The following RPS10 variants were observed in gnomAD, a reference collection of about 807,000 sequenced individuals.
The protein encoded by RPS10 is small ribosomal subunit protein eS10.
In RPS10, 2 loss-of-function variants were observed where a neutral mutation model predicts 22.6. That is an observed-to-expected ratio of 0.09 (90% confidence interval 0.04 to 0.28). The LOEUF (loss-of-function observed/expected upper bound fraction) is 0.28. Ranked by LOEUF, RPS10 falls within the 10% of genes least tolerant of loss-of-function variation. RPS10 has a pLI of 1.00. For missense variants in RPS10, 137 were observed against 222.2 expected (o/e 0.62, Z 2.44); for synonymous variants, 70 against 75.9 (o/e 0.92, Z 0.40).
chr6:34,422,253 C>T (rs2113800996), intron 3 of RPS10, among the ~76,000 whole-genome samples: 1 of 152,252 alleles, frequency 6.6e-6, no homozygotes, highest in Non-Finnish European at 1.5e-5. Flanking sequence ...TCGTTGAGTT[C>T]CTCTTGGGCT....
intron 5 of RPS10, 173 bp from the exon 6 acceptor site, chr6:34,417,720 C>CT: frequency 1.4e-6 from 1 of 731,728 alleles, no homozygotes; most frequent in Non-Finnish European, 2.5e-6. Context: ...GATGTGGGGC[C>CT]ATATCTAACA....
Position 34,425,228 on chromosome 6 carries a change from G to T in RPS10, c.1-7C>A. The T allele has an allele frequency of 6.2e-7, 1 of 1,603,790 alleles. No homozygotes were observed. Among genetic ancestry groups the T allele is most frequent in the Non-Finnish European group, 8.5e-7 (1 of 1,175,172 alleles). On this transcript the variant is annotated splice_region_variant and splice_polypyrimidine_tract_variant and intron_variant, in intron 1 of 5. Coordinates refer to ENST00000648437, the MANE Select transcript of RPS10 (RefSeq NM_001014.5). Reference sequence around the variant, plus strand: ...TCTTCTTAGGCATCAACATCTGCAAGAAGGAGACGATTGTCAAGAGCACTT... The same window carrying T: ...TCTTCTTAGGCATCAACATCTGCAATAAGGAGACGATTGTCAAGAGCACTT...
intron 4 of RPS10, among the ~76,000 whole-genome samples, chr6:34,421,381 G>C (rs1265120836): frequency 6.6e-6 from 1 of 151,608 alleles, no homozygotes; most frequent in African/African-American, 2.4e-5. Flanking sequence ...ACAGGGTTTC[G>C]TCATGTTGGC....
chr6:34,420,732 C>T (rs1266747355), intron 4 of RPS10, among the ~76,000 whole-genome samples: 1 of 151,950 alleles, frequency 6.6e-6, no homozygotes, highest in African/African-American at 2.4e-5. Flanking sequence ...TCCGGGTGGG[C>T]GCGGTGGCTC....
chr6:34,422,616 A>G (rs1765805725), intron 3 of RPS10, among the ~76,000 whole-genome samples: 1 of 150,198 alleles, frequency 6.7e-6, no homozygotes, highest in African/African-American at 2.5e-5. Context: ...CGCCCAGGCT[A>G]ATTTTTTTTG....
rs760917852 is a variant in RPS10 at position 34,418,433 on chromosome 6, T to C, written c.401-9A>G. 51 of 1,613,960 alleles carry C rather than the reference T, an allele frequency of 3.2e-5. No individual in the cohort carries two copies. The Admixed American group carries it at 8.0e-4, about 25-fold the overall frequency. The stretch of plus-strand genomic sequence containing the variant: ...TTTCTTGTCGGCACCAGCTAGAAAG[T>C]GAAACATCGATTTAGAATCATCATA... On this transcript the variant is annotated splice_polypyrimidine_tract_variant and intron_variant, in intron 4 of 5. Coordinates refer to ENST00000648437, the MANE Select transcript of RPS10 (RefSeq NM_001014.5).
At position 34,425,087 on chromosome 6, in the gene RPS10, G is replaced by A. The variant is rs148901210; in HGVS notation, c.135C>T (p.Val45=). Reference sequence around the variant, plus strand: ...ACCCTCCTACCTGCATGGCCTTCATGACATGAAGGTTGGGCACATTCTTGT... The same window carrying A: ...ACCCTCCTACCTGCATGGCCTTCATAACATGAAGGTTGGGCACATTCTTGT... ...LADKNVPNLH[V]MKAMQSLKSR... is the part of the protein sequence containing the mutation. The change falls in exon 2 of 6, where the codon GTC becomes GTT. Residue 45 remains valine, a synonymous_variant. Transcript: ENST00000648437. 3.2e-5 allele frequency: 51 copies of A among 1,612,404 alleles called. No homozygotes were observed. Among genetic ancestry groups the A allele is most frequent in the Non-Finnish European group, 3.9e-5 (46 of 1,179,980 alleles).
chr6:34,425,293 T>A, intron 1 of RPS10, 72 bp from the exon 2 acceptor site: 1 of 1,536,376 alleles, frequency 6.5e-7, no homozygotes, highest in Non-Finnish European at 8.8e-7. Flanking sequence ...AAGTTCTTGA[T>A]CCTAAAGTGA....
At chr6:34,418,253 G>A in intron 5 of RPS10, 116 bp downstream of exon 5, 1 of 1,574,660 alleles carries the variant, frequency 6.4e-7, no homozygotes, top group African/African-American at 1.4e-5. Flanking sequence ...AGTGGGAGGA[G>A]GGAACTGGTT....
intron 5 of RPS10, 166 bp downstream of exon 5, chr6:34,418,203 G>A: frequency 1.3e-6 from 2 of 1,518,608 alleles, no homozygotes; most frequent in South Asian, 2.5e-5. Flanking sequence ...ACAAAAGTTT[G>A]CATGCTACAA....
Position 34,425,389 on chromosome 6 carries a change from AC to A in RPS10, c.1-169del. ...GCAGAGGCCAGCTCCGTCAGTCCCC[AC>A]CCCCAAACACAATTCAGGTGGAAAA... On this transcript the variant is annotated intron_variant, in intron 1 of 5. Transcript: ENST00000648437. 7.8e-6 allele frequency: 6 copies of A among 774,052 alleles called. No homozygotes were observed. The South Asian group carries it at 9.2e-5, about 12-fold the overall frequency. The allele number at this position is 774,052 out of a possible 1,614,324, so 47.9% of individuals were successfully genotyped here. A position where few individuals can be genotyped will look rare whatever the true frequency, so the allele number is the denominator to read the frequency against.
intron 5 of RPS10, 69 bp downstream of exon 5, chr6:34,418,300 C>T: frequency 6.2e-7 from 1 of 1,612,470 alleles, no homozygotes; most frequent in Non-Finnish European, 8.5e-7. Flanking sequence ...ATCCCCACAA[C>T]TTGCAGAGCA....
intron 2 of RPS10, 78 bp from the exon 3 acceptor site, chr6:34,424,918 C>T (rs1165702376): frequency 3.1e-6 from 5 of 1,609,426 alleles, no homozygotes; most frequent in Non-Finnish European, 4.2e-6. Flanking sequence ...TCCCAGCCAG[C>T]CCTTCAAGTT....
chr6:34,424,733 G>T lies in RPS10; in HGVS notation c.258C>A (p.Pro86=). 1 of 1,614,102 alleles carries T rather than the reference G, an allele frequency of 6.2e-7. No individual in the cohort carries two copies. Among genetic ancestry groups the T allele is most frequent in the Non-Finnish European group, 8.5e-7 (1 of 1,180,016 alleles). ...IQYLRDYLHL[P]PEIVPATLRR... ...GTAGGGTGGCAGGCACAATCTCCGG[G>T]GGCAGATGAAGGTAATCACGGAGAT... is the stretch of plus-strand genomic sequence containing the variant. The change falls in exon 3 of 6, where the codon CCC becomes CCA. Residue 86 remains proline (P), a synonymous_variant. Transcript: ENST00000648437.
chr6:34,424,317 CTT>C (rs1490371898), intron 3 of RPS10: 18 of 315,956 alleles, frequency 5.7e-5, no homozygotes, highest in Admixed American at 2.6e-4. Flanking sequence ...CTACAACACT[CTT>C]GTTTCTTTCG....
chr6:34,418,901 G>T lies in RPS10; in HGVS notation c.401-477C>A, dbSNP rs116338846. On this transcript the variant is annotated intron_variant, in intron 4 of 5. Transcript: ENST00000648437. Reference sequence around the variant, plus strand: ...TTTTCTTTTACTTATTTGAGACAGGGTCTTACTCTGTCACCCAGGATGGAG... The same window carrying T: ...TTTTCTTTTACTTATTTGAGACAGGTTCTTACTCTGTCACCCAGGATGGAG... Among the ~76,000 whole-genome samples the T allele has an allele frequency of 8.6e-3, 1,307 of 152,112 alleles. 16 individuals carry two copies. Among genetic ancestry groups the T allele is most frequent in the Middle Eastern group, 0.024 (7 of 294 alleles).
At chr6:34,425,265 G>A (rs1438584223) in intron 1 of RPS10, 44 bp from the exon 2 acceptor site, 5 of 1,567,690 alleles carry the variant, frequency 3.2e-6, no homozygotes, top group Non-Finnish European at 4.3e-6. Context: ...TGAGTAACGA[G>A]GCCGGGGCCC....
At chr6:34,417,999 A>C in intron 5 of RPS10, 1 of 697,542 alleles carries the variant, frequency 1.4e-6, no homozygotes, top group South Asian at 1.6e-5. Flanking sequence ...TAGATGGAGA[A>C]ACTGAGGCAG....
At chr6:34,423,864 G>A (rs527513196) in intron 3 of RPS10, among the ~76,000 whole-genome samples, 79 of 152,212 alleles carry the variant, frequency 5.2e-4, no homozygotes, top group African/African-American at 1.8e-3. Flanking sequence ...CGGCAACAGA[G>A]TGAGACTCTG....
Sources: gnomAD v4.1 joint callset for allele counts (sites outside exome capture counted in the v4.1 genomes callset) on GRCh38, gnomAD v4.1.1 for gene constraint, MANE v1.5 for transcripts, NCBI Gene and HGNC (gene_info 2026-07-23, HGNC 2026-07-21) for gene names.